The following NEK5 variants were observed in gnomAD, a reference collection of about 807,000 sequenced individuals.
NEK5 encodes NIMA related kinase 5.
NEK5 carries 88 observed loss-of-function variants against 109.2 expected under a neutral mutation model. The ratio of observed to expected loss-of-function variants is 0.81; its 90% confidence interval spans 0.68 to 0.96. The LOEUF (loss-of-function observed/expected upper bound fraction) is 0.96. Among genes scored for constraint, NEK5 ranks in the 40% least tolerant of loss-of-function variants. The pLI, the probability that NEK5 is intolerant of heterozygous loss-of-function variation, is 0.00. For synonymous variants in NEK5, 283 were observed against 299.9 expected, an observed-to-expected ratio of 0.94 and a Z score of 0.58; for missense variants, 834 against 920.7, an observed-to-expected ratio of 0.91 and a Z score of 1.22.
rs770769656 is a variant in NEK5, at chr13:52,065,522, A to T, written c.1937T>A (p.Val646Glu). 1.2e-6 allele frequency: 2 copies of T among 1,613,168 alleles called. No homozygotes were observed. The highest frequency in any genetic ancestry group is 4.5e-5 in the East Asian group (2 of 44,894). ...APQTLLQMMA[V>E]ADITSTCPTG... The stretch of plus-strand genomic sequence containing the variant: ...GGGGCAGGTGGAGGTGATGTCGGCC[A>T]CTGCCATCATCTGCAGCAGAGTCTG... The change falls in exon 21 of 24, where the codon GTG becomes GAG. Residue 646 changes from valine (V) to glutamate (E), a missense_variant. Val to Glu is a moderately radical substitution (Grantham distance 121). Transcript: ENST00000684899.
At chr13:52,095,981 TAGTG>T (rs1398316110) in intron 12 of NEK5, among the ~76,000 whole-genome samples, 1 of 152,100 alleles carries the variant, frequency 6.6e-6, no homozygotes, top group East Asian at 1.9e-4. Flanking sequence ...GTTCTTGTGA[TAGTG>T]AGTGAGTTTT....
intron 20 of NEK5, among the ~76,000 whole-genome samples, chr13:52,067,344 A>G (rs1311430905): frequency 6.6e-6 from 1 of 152,206 alleles, no homozygotes; most frequent in African/African-American, 2.4e-5. Flanking sequence ...GCAGGTCCTC[A>G]GAATTCTTTC....
chr13:52,093,047 A>G lies in NEK5; in HGVS notation c.1208+7T>C. ...TAACCAAAGCTTAAGCTAGACCACAATATTACCATTGACTTGGGGATGGAC... is the reference window on the plus strand; with the variant it reads ...TAACCAAAGCTTAAGCTAGACCACAGTATTACCATTGACTTGGGGATGGAC... On this transcript the variant is annotated splice_region_variant and intron_variant, in intron 13 of 23. Transcript: ENST00000684899. 2 of 1,598,654 alleles carry G rather than the reference A, an allele frequency of 1.3e-6. No individual in the cohort carries two copies. Among genetic ancestry groups the G allele is most frequent in the South Asian group, 2.2e-5 (2 of 90,010 alleles).
intron 23 of NEK5, among the ~76,000 whole-genome samples, chr13:52,039,126 G>A (rs1954392827): frequency 6.6e-6 from 1 of 152,180 alleles, no homozygotes; most frequent in Non-Finnish European, 1.5e-5. Flanking sequence ...AGAAAAAGAA[G>A]ATAGGGAGAG....
chr13:52,065,515 G>A lies in NEK5; in HGVS notation c.1944C>T (p.Asp648=), dbSNP rs56086016. ...GCCCCGTGGGGCAGGTGGAGGTGAT[G>A]TCGGCCACTGCCATCATCTGCAGCA... ...QTLLQMMAVA[D]ITSTCPTGPD... The change falls in exon 21 of 24, where the codon GAC becomes GAT. Residue 648 remains aspartate, a synonymous_variant. Coordinates refer to ENST00000684899, the MANE Select transcript of NEK5 (RefSeq NM_001365552.1). The A allele has an allele frequency of 7.8e-5, 126 of 1,613,742 alleles. 1 individual carries two copies. The East Asian group carries it at 2.6e-3, about 34-fold the overall frequency.
intron 18 of NEK5, 44 bp downstream of exon 18, chr13:52,076,019 G>T: frequency 8.0e-7 from 1 of 1,250,586 alleles, no homozygotes; most frequent in Non-Finnish European, 1.1e-6. Flanking sequence ...TGGCTCCCCA[G>T]CCAGCTATTT....
chr13:52,103,875 C>G (rs1290532283), intron 9 of NEK5, among the ~76,000 whole-genome samples: 4 of 152,184 alleles, frequency 2.6e-5, no homozygotes, highest in Non-Finnish European at 5.9e-5. Flanking sequence ...TGGGAAAAGA[C>G]TCTTAAAAGC....
chr13:52,105,235 A>ATAAG (rs1955625664), intron 8 of NEK5, among the ~76,000 whole-genome samples: 1 of 107,382 alleles, frequency 9.3e-6, no homozygotes, highest in African/African-American at 3.2e-5. Flanking sequence ...TGCTTTGTGC[A>ATAAG]TGAGTGTGTG....
At chr13:52,122,957 G>A (rs999165749) in intron 3 of NEK5, among the ~76,000 whole-genome samples, 3 of 152,186 alleles carry the variant, frequency 2.0e-5, no homozygotes, top group South Asian at 2.1e-4. Flanking sequence ...TTTCTACAAC[G>A]AACATTTTTA....
At chr13:52,048,782 A>T (rs1954479195) in intron 23 of NEK5, among the ~76,000 whole-genome samples, 1 of 152,222 alleles carries the variant, frequency 6.6e-6, no homozygotes, top group Non-Finnish European at 1.5e-5. Context: ...TCGAACTCAT[A>T]GAAGCAGAGA....
intron 21 of NEK5, among the ~76,000 whole-genome samples, chr13:52,064,266 G>C (rs1954648435): frequency 7.0e-6 from 1 of 143,052 alleles, no homozygotes; most frequent in African/African-American, 2.6e-5. Context: ...CCCCGTCCGG[G>C]AGGTGAGGGG....
chr13:52,072,007 A>T lies in NEK5; in HGVS notation c.1786T>A (p.Cys596Ser). ...EDGMKFKEYE[C>S]VKEHGDYTDK... ...GTATAATCTCCATGCTCCTTTACAC[A>T]TTCATATTCCTTAAACTTCATGCCA... The change falls in exon 20 of 24, where the codon TGT becomes AGT. Residue 596 changes from cysteine (C) to serine (S), a missense_variant. Physicochemically the swap from Cys to Ser is moderately radical, Grantham distance 112. Coordinates refer to ENST00000684899, the MANE Select transcript of NEK5 (RefSeq NM_001365552.1). The T allele has an allele frequency of 1.9e-6, 3 of 1,610,630 alleles. No individual in the cohort carries two copies. The highest frequency in any genetic ancestry group is 2.5e-6 in the Non-Finnish European group (3 of 1,176,926).
intron 4 of NEK5, among the ~76,000 whole-genome samples, chr13:52,116,730 C>T (rs1955865513): frequency 6.6e-6 from 1 of 152,114 alleles, no homozygotes; most frequent in Admixed American, 6.6e-5. Context: ...ACAAATACAA[C>T]AGCATGGGAA....
At chr13:52,114,671 A>G (rs1955817802) in intron 4 of NEK5, among the ~76,000 whole-genome samples, 1 of 152,238 alleles carries the variant, frequency 6.6e-6, no homozygotes, top group Non-Finnish European at 1.5e-5. Flanking sequence ...AGAAGTCTGT[A>G]GGCTGGAGGG....
chr13:52,093,786 G>T (rs1415882195), intron 12 of NEK5, among the ~76,000 whole-genome samples: 1 of 152,000 alleles, frequency 6.6e-6, no homozygotes, highest in Non-Finnish European at 1.5e-5. Context: ...CATACTTCAT[G>T]GCTAGTATGT....
intron 17 of NEK5, among the ~76,000 whole-genome samples, chr13:52,081,057 G>A (rs1187511552): frequency 6.6e-6 from 1 of 152,020 alleles, no homozygotes; most frequent in Non-Finnish European, 1.5e-5. Flanking sequence ...GAGCAATGAG[G>A]CTGGAACATT....
chr13:52,035,216 A>C lies in NEK5; in HGVS notation c.*1732T>G, dbSNP rs971859990. On this transcript the variant is annotated 3_prime_UTR_variant, in exon 24 of 24. Coordinates refer to ENST00000684899, the MANE Select transcript of NEK5 (RefSeq NM_001365552.1). Reference sequence around the variant, plus strand: ...AAGAGTAGACTGTAACTCTACACCAAGTTGAAAGAACAGTCTGTCAAACAT... The same window carrying C: ...AAGAGTAGACTGTAACTCTACACCACGTTGAAAGAACAGTCTGTCAAACAT... The C allele has an allele frequency of 2.6e-5, 4 of 152,208 alleles. No homozygotes were observed. The highest frequency in any genetic ancestry group is 5.9e-5 in the Non-Finnish European group (4 of 68,048). 9.4% of individuals were successfully genotyped at this position (152,208 alleles called of 1,614,324 possible).
chr13:52,073,929 G>T (rs1023795873), intron 19 of NEK5, among the ~76,000 whole-genome samples: 1 of 152,084 alleles, frequency 6.6e-6, no homozygotes, highest in Non-Finnish European at 1.5e-5. Context: ...CCAAGGAGGT[G>T]AAAGATCTCT....
At position 52,061,847 on chromosome 13, in the gene NEK5, A is replaced by G. The variant is rs575181231; in HGVS notation, c.2082T>C (p.Ser694=). 23 of 985,654 alleles carry G rather than the reference A, an allele frequency of 2.3e-5. 1 individual carries two copies. The South Asian group carries it at 7.5e-4, about 32-fold the overall frequency. The allele number at this position is 985,654 out of a possible 1,614,324, so 61.1% of individuals were successfully genotyped here. The change falls in exon 22 of 24, where the codon AGT becomes AGC. Residue 694 remains serine (S), a synonymous_variant. Transcript: ENST00000684899. ...ATTCTTCATCGGCAGAAAATGAGCT[A>G]CTCGTTAGATGTGCTGCTGCCAAAA... is the stretch of plus-strand genomic sequence containing the variant. ...MSVLAAAHLT[S]SSFSADEEFA...
Sources: allele counts gnomAD v4.1 joint callset (sites outside exome capture counted in the v4.1 genomes callset), GRCh38; gene constraint gnomAD v4.1.1; transcripts MANE v1.5; gene names NCBI Gene and HGNC (gene_info 2026-07-23, HGNC 2026-07-21).